The following COPG2 variants were observed in gnomAD, a reference collection of about 807,000 sequenced individuals.
COPG2 encodes coat protein complex I subunit gamma 2, also known as coatomer subunit gamma-2.
In COPG2, 37 loss-of-function variants were observed where a neutral mutation model predicts 46.3. The observed-to-expected ratio is 0.80, with a 90% confidence interval of 0.61 to 1.05. The LOEUF is 1.05. COPG2 is among the 50% of genes least tolerant of loss of function. The pLI is 0.00. For missense variants in COPG2, 427 were observed against 387.8 expected, an observed-to-expected ratio of 1.10 and a Z score of -0.85; for synonymous variants, 159 against 129.7, an observed-to-expected ratio of 1.23 and a Z score of -1.53.
chr7:130,629,121 T>C (rs1795175765), intron 5 of COPG2, among the ~76,000 whole-genome samples: 1 of 152,194 alleles, frequency 6.6e-6, no homozygotes, highest in Non-Finnish European at 1.5e-5. Context: ...CTAGCTTGCA[T>C]GTTTTCTGAA....
At chr7:130,651,798 G>T (rs1795753523) in intron 5 of COPG2, among the ~76,000 whole-genome samples, 1 of 150,774 alleles carries the variant, frequency 6.6e-6, no homozygotes, top group Non-Finnish European at 1.5e-5. Context: ...TTACAGGTGT[G>T]AGCCACCGCG....
intron 6 of COPG2, 39 bp from the exon 7 acceptor site, chr7:130,613,675 C>T (rs1794897276): frequency 7.4e-7 from 1 of 1,348,878 alleles, no homozygotes; most frequent in Middle Eastern, 1.8e-4. Flanking sequence ...TAAGGAAAAA[C>T]ATGCTTATGC....
chr7:130,577,457 C>T (rs1226208509), intron 9 of COPG2, among the ~76,000 whole-genome samples: 9 of 152,232 alleles, frequency 5.9e-5, no homozygotes, highest in East Asian at 1.9e-4. Context: ...TGAGCTTTTC[C>T]GACCGGCTTA....
At chr7:130,612,965 C>T (rs1794879950) in intron 7 of COPG2, among the ~76,000 whole-genome samples, 1 of 152,162 alleles carries the variant, frequency 6.6e-6, no homozygotes, top group South Asian at 2.1e-4. Flanking sequence ...ACACTTACCC[C>T]TCTTTTATTA....
chr7:130,555,003 G>A (rs1488684831), intron 13 of COPG2, 34 bp downstream of exon 13: 1 of 398,266 alleles, frequency 2.5e-6, no homozygotes, highest in Non-Finnish European at 4.4e-6. Flanking sequence ...ATTTAAGACA[G>A]CAACTTCCTA....
intron 23 of COPG2, 85 bp from the exon 24 acceptor site, chr7:130,506,891 CCTTT>C (rs1799503102): frequency 1.7e-5 from 11 of 659,370 alleles, no homozygotes; most frequent in South Asian, 9.2e-5. Context: ...CCCTGCATCT[CCTTT>C]CTATTAGTTT....
chr7:130,592,696 C>T (rs946243189), intron 9 of COPG2, among the ~76,000 whole-genome samples: 7 of 152,136 alleles, frequency 4.6e-5, no homozygotes, highest in East Asian at 1.9e-4. Context: ...CTTCCCTAAC[C>T]GTGAATGCTG....
chr7:130,553,304 G>C (rs919862284), intron 14 of COPG2, among the ~76,000 whole-genome samples: 11 of 151,636 alleles, frequency 7.3e-5, no homozygotes, highest in Non-Finnish European at 1.3e-4. Context: ...TTAAATATGA[G>C]ATAAATTTGT....
chr7:130,523,132 A>AAAAAAAAAG (rs1427351988), intron 20 of COPG2, among the ~76,000 whole-genome samples: 1 of 149,030 alleles, frequency 6.7e-6, no homozygotes, highest in African/African-American at 2.5e-5. Context: ...AAAAAAAAAA[A>AAAAAAAAAG]AAGAAGGCTC....
intron 20 of COPG2, among the ~76,000 whole-genome samples, chr7:130,534,504 G>A (rs1047747206): frequency 4.6e-5 from 7 of 152,146 alleles, no homozygotes; most frequent in Admixed American, 4.6e-4. Context: ...GCTCCAATGG[G>A]GGTGGGGGGC....
intron 9 of COPG2, among the ~76,000 whole-genome samples, chr7:130,591,330 G>C (rs1335457005): frequency 2.0e-5 from 1 of 50,922 alleles, no homozygotes; most frequent in Non-Finnish European, 4.0e-5. Flanking sequence ...GCCTCTGCCC[G>C]GCCGCCCCTA....
At chr7:130,567,232 G>A (rs1325246814) in intron 9 of COPG2, among the ~76,000 whole-genome samples, 1 of 152,158 alleles carries the variant, frequency 6.6e-6, no homozygotes. Flanking sequence ...ATAGGCACTG[G>A]AGCCTACTTG....
intron 9 of COPG2, chr7:130,605,889 C>A: frequency 5.0e-6 from 2 of 399,474 alleles, no homozygotes; most frequent in South Asian, 1.9e-5. Flanking sequence ...GTTATGGCAA[C>A]AATAAAAAAA....
intron 20 of COPG2, chr7:130,546,794 G>T (rs1361347593): frequency 6.6e-6 from 1 of 152,268 alleles, no homozygotes; most frequent in African/African-American, 2.4e-5. Flanking sequence ...CTATTTACTA[G>T]TGCTTTTATG....
intron 9 of COPG2, among the ~76,000 whole-genome samples, chr7:130,597,061 C>A (rs1794542864): frequency 6.6e-6 from 1 of 152,202 alleles, no homozygotes; most frequent in Admixed American, 6.5e-5. Context: ...GGAACTGCTG[C>A]CTTTGTTAGG....
At chr7:130,513,317 AT>A (rs1262062501) in intron 20 of COPG2, among the ~76,000 whole-genome samples, 3 of 39,316 alleles carry the variant, frequency 7.6e-5, no homozygotes, top group African/African-American at 2.7e-4. Context: ...AAATATATAT[AT>A]ATATATATAT....
intron 9 of COPG2, among the ~76,000 whole-genome samples, chr7:130,565,153 C>T (rs980815378): frequency 1.6e-4 from 25 of 152,324 alleles, no homozygotes; most frequent in African/African-American, 2.4e-4. Flanking sequence ...GACAGAGCTC[C>T]GCTCTCTAAC....
At chr7:130,582,402 A>G (rs1229924258) in intron 9 of COPG2, among the ~76,000 whole-genome samples, 1 of 150,028 alleles carries the variant, frequency 6.7e-6, no homozygotes, top group Non-Finnish European at 1.5e-5. Context: ...CCCTAGAAGA[A>G]AACCTAGGCA....
chr7:130,642,145 G>A (rs1209670732), intron 5 of COPG2, among the ~76,000 whole-genome samples: 5 of 152,068 alleles, frequency 3.3e-5, no homozygotes, highest in Non-Finnish European at 7.4e-5. Flanking sequence ...CTTTCACTGG[G>A]TGGGTGCCAT....
Sources: gnomAD v4.1 joint callset for allele counts (sites outside exome capture counted in the v4.1 genomes callset) on GRCh38, gnomAD v4.1.1 for gene constraint, MANE v1.5 for transcripts, NCBI Gene and HGNC (gene_info 2026-07-23, HGNC 2026-07-21) for gene names.